The following PTPRQ variants were observed in gnomAD, a reference collection of about 807,000 sequenced individuals.
The protein encoded by PTPRQ is protein tyrosine phosphatase receptor type Q.
PTPRQ carries 199 observed loss-of-function variants against 246.0 expected under a neutral mutation model. The ratio of observed to expected loss-of-function variants is 0.81; its 90% CI spans 0.72 to 0.91. PTPRQ has a LOEUF of 0.91. PTPRQ is among the 40% of genes least tolerant of loss of function. The probability of loss-of-function intolerance (pLI) is 0.00; values close to 1 mark genes in which losing one functional copy is unlikely to be tolerated. For synonymous variants in PTPRQ, 869 were observed against 853.2 expected, an observed-to-expected ratio of 1.02 and a Z score of -0.32; for missense variants, 2,624 against 2,528.4, an observed-to-expected ratio of 1.04 and a Z score of -0.81.
intron 43 of PTPRQ, among the ~76,000 whole-genome samples, chr12:80,677,223 A>C (rs1156528339): frequency 6.6e-6 from 1 of 152,222 alleles, no homozygotes; most frequent in Non-Finnish European, 1.5e-5. Flanking sequence ...ATTTCCAAAA[A>C]GATTATATTG....
intron 7 of PTPRQ, among the ~76,000 whole-genome samples, chr12:80,470,729 AT>A (rs1360302063): frequency 6.6e-6 from 1 of 152,206 alleles, no homozygotes; most frequent in East Asian, 1.9e-4. Flanking sequence ...GAGGGGCCAA[AT>A]AAAATAAAAC....
chr12:80,450,925 A>G (rs1483128733), intron 3 of PTPRQ, among the ~76,000 whole-genome samples: 2 of 152,038 alleles, frequency 1.3e-5, no homozygotes, highest in African/African-American at 2.4e-5. Flanking sequence ...CTCTTTTTCT[A>G]TTGATTGGAA....
In PTPRQ at chr12:80,534,961, C is replaced by T; in HGVS notation, c.2909C>T (p.Thr970Ile). Residue 970 changes from threonine (T) to isoleucine (I), a missense_variant, in exon 19 of 45, where the codon ACA becomes ATA. Physicochemically the swap from Thr to Ile is moderately conservative, Grantham distance 89. Coordinates refer to ENST00000644991, the MANE Select transcript of PTPRQ (RefSeq NM_001145026.2). ...TCTTCATCAATAATTCTTTTCTGGA[C>T]ACCTCCTTCAAAACCTAATGGGATT... is the stretch of plus-strand genomic sequence containing the variant. ...LSSSSIILFW[T>I]PPSKPNGIIQ... is the part of the protein sequence containing the mutation. 2 of 1,550,132 alleles carry T rather than the reference C, an allele frequency of 1.3e-6. No homozygotes were observed. The highest frequency in any genetic ancestry group is 2.4e-5 in the South Asian group (2 of 83,780).
intron 9 of PTPRQ, among the ~76,000 whole-genome samples, chr12:80,488,950 A>G (rs1434305038): frequency 6.6e-6 from 1 of 151,996 alleles, no homozygotes; most frequent in Non-Finnish European, 1.5e-5. Flanking sequence ...TATGTATCTG[A>G]TCTATAACAT....
intron 25 of PTPRQ, among the ~76,000 whole-genome samples, chr12:80,586,283 A>C (rs1447246245): frequency 6.6e-6 from 1 of 151,712 alleles, no homozygotes; most frequent in Non-Finnish European, 1.5e-5. Context: ...CAGCCAAAAG[A>C]CACATGAAAA....
At chr12:80,620,015 G>A (rs922180218) in intron 31 of PTPRQ, 139 bp from the exon 32 acceptor site, 3 of 1,101,156 alleles carry the variant, frequency 2.7e-6, no homozygotes, top group Non-Finnish European at 3.8e-6. Flanking sequence ...TGCCTATACA[G>A]GTGGATCACT....
At chr12:80,641,695 A>G (rs1899860659) in intron 35 of PTPRQ, among the ~76,000 whole-genome samples, 1 of 152,204 alleles carries the variant, frequency 6.6e-6, no homozygotes, top group African/African-American at 2.4e-5. Context: ...TTAATTGATC[A>G]CATTACACAT....
intron 26 of PTPRQ, among the ~76,000 whole-genome samples, chr12:80,596,096 A>G (rs192181876): frequency 2.9e-4 from 44 of 152,190 alleles, no homozygotes; most frequent in African/African-American, 1.1e-3. Context: ...ATAGTGAGAC[A>G]GAGTTATAAT....
chr12:80,448,712 T>C (rs527853843), intron 3 of PTPRQ, among the ~76,000 whole-genome samples: 1 of 149,932 alleles, frequency 6.7e-6, no homozygotes, highest in East Asian at 1.9e-4. Flanking sequence ...ACTCATCATT[T>C]TTTATGGCTG....
At chr12:80,502,313 C>A (rs1049553208) in intron 14 of PTPRQ, among the ~76,000 whole-genome samples, 3 of 151,700 alleles carry the variant, frequency 2.0e-5, no homozygotes, top group African/African-American at 7.3e-5. Flanking sequence ...AGGGGGAGGG[C>A]ATATCAGAGG....
intron 35 of PTPRQ, among the ~76,000 whole-genome samples, chr12:80,637,610 A>C (rs1015269908): frequency 5.3e-5 from 8 of 152,240 alleles, no homozygotes; most frequent in Non-Finnish European, 8.8e-5. Flanking sequence ...CATTAAAATA[A>C]CAATTAAGTG....
chr12:80,549,790 G>A (rs1896417019), intron 25 of PTPRQ, 56 bp downstream of exon 25: 17 of 1,478,442 alleles, frequency 1.1e-5, no homozygotes, highest in Non-Finnish European at 1.5e-5. Flanking sequence ...TGGGGATTGT[G>A]TCAATACCAC....
intron 25 of PTPRQ, 104 bp downstream of exon 25, chr12:80,549,838 G>A (rs1256382789): frequency 9.3e-6 from 13 of 1,400,556 alleles, no homozygotes; most frequent in Middle Eastern, 4.1e-4. Flanking sequence ...AACATACAAA[G>A]CACATATTAA....
At chr12:80,659,444 G>T (rs1259930507) in intron 39 of PTPRQ, among the ~76,000 whole-genome samples, 3 of 151,982 alleles carry the variant, frequency 2.0e-5, no homozygotes, top group Non-Finnish European at 4.4e-5. Flanking sequence ...AAGGACAACT[G>T]GTTGTATCAG....
rs199751848 is a variant in PTPRQ, at chr12:80,465,898, C to A, written c.911-2812C>A. On this transcript the variant is annotated intron_variant, in intron 6 of 44. Transcript: ENST00000644991. ...TCTATGACAAACCCACAGCCAATAT[C>A]ATACTGAATGGGCAAAAACTGGAAG... Among the ~76,000 whole-genome samples, 45 of 152,236 alleles carry A rather than the reference C, an allele frequency of 3.0e-4. 1 individual carries two copies. The East Asian group carries it at 8.5e-3, about 29-fold the overall frequency.
At chr12:80,500,558 C>T (rs150028645) in intron 14 of PTPRQ, among the ~76,000 whole-genome samples, 16 of 152,006 alleles carry the variant, frequency 1.1e-4, no homozygotes, top group East Asian at 1.9e-4. Flanking sequence ...GAAGTTACAC[C>T]GAGCTATAAA....
chr12:80,484,412 C>A, intron 8 of PTPRQ, 21 bp from the exon 9 acceptor site: 1 of 1,410,526 alleles, frequency 7.1e-7, no homozygotes, highest in Non-Finnish European at 9.4e-7. Context: ...CTTTTCTTTT[C>A]TTTCTTTCTT....
chr12:80,522,789 A>G (rs1481476489), intron 17 of PTPRQ, among the ~76,000 whole-genome samples: 5 of 152,144 alleles, frequency 3.3e-5, no homozygotes, highest in Non-Finnish European at 7.3e-5. Flanking sequence ...GGATTTTTGC[A>G]TTGATATTCA....
intron 33 of PTPRQ, among the ~76,000 whole-genome samples, chr12:80,624,195 C>A (rs914686208): frequency 2.0e-5 from 3 of 152,120 alleles, no homozygotes; most frequent in African/African-American, 7.2e-5. Flanking sequence ...AGCACAGGAT[C>A]CTGCCAAGAC....
Sources: allele counts gnomAD v4.1 joint callset (sites outside exome capture counted in the v4.1 genomes callset), GRCh38; gene constraint gnomAD v4.1.1; transcripts MANE v1.5; gene names NCBI Gene and HGNC (gene_info 2026-07-23, HGNC 2026-07-21).